The following RASEF variants were observed in gnomAD, a reference collection of about 807,000 sequenced individuals.
The protein encoded by RASEF is ras and EF-hand domain-containing protein.
RASEF carries 68 observed loss-of-function variants against 90.1 expected under a neutral mutation model. That is an observed-to-expected ratio of 0.75 (90% CI 0.62 to 0.92). The LOEUF (loss-of-function observed/expected upper bound fraction) is 0.92, where lower values mean the gene tolerates loss of function less well. Ranked by LOEUF, RASEF falls within the 40% of genes least tolerant of loss-of-function variation. RASEF has a pLI of 0.00. For missense variants in RASEF, 949 were observed against 937.2 expected, an observed-to-expected ratio of 1.01 and a Z score of -0.16; for synonymous variants, 331 against 345.2, an observed-to-expected ratio of 0.96 and a Z score of 0.46.
chr9:83,076,022 C>G, the RASEF span, among the ~76,000 whole-genome samples: 10 of 151,816 alleles, frequency 6.6e-5, no homozygotes, highest in African/African-American at 2.4e-4. Flanking sequence ...ACAAAAATTA[C>G]CTGGGCGTGG....
In RASEF at chr9:82,997,689, T is replaced by G. The variant is rs368259832; in HGVS notation, c.1806-563A>C. 8.5e-5 allele frequency among the ~76,000 whole-genome samples: 13 copies of G among 152,274 alleles called. No homozygotes were observed. In the East Asian group the frequency reaches 1.7e-3, roughly 20 times the overall value. ...TGCAATATTTTATAAGTATTTTAAA[T>G]ACAGTCATGTCAACCACAAATATTT... is the stretch of plus-strand genomic sequence containing the variant. On this transcript the variant is annotated intron_variant, in intron 13 of 16. Transcript: ENST00000376447.
At chr9:82,988,230 T>C (rs1241333056) in intron 16 of RASEF, among the ~76,000 whole-genome samples, 1 of 152,258 alleles carries the variant, frequency 6.6e-6, no homozygotes, top group Non-Finnish European at 1.5e-5. Flanking sequence ...TTACTGAATG[T>C]AGCTTGTTGA....
chr9:83,135,020 T>G, the RASEF span, among the ~76,000 whole-genome samples: 1 of 152,138 alleles, frequency 6.6e-6, no homozygotes, highest in Admixed American at 6.6e-5. Context: ...TTCACTTACA[T>G]GAAACATCCT....
At chr9:82,995,782 G>C (rs1828905004) in intron 14 of RASEF, among the ~76,000 whole-genome samples, 3 of 152,030 alleles carry the variant, frequency 2.0e-5, no homozygotes. Context: ...GCTCACACTG[G>C]TGCTATATCA....
At chr9:83,101,296 G>T in the RASEF span, among the ~76,000 whole-genome samples, 1 of 152,170 alleles carries the variant, frequency 6.6e-6, no homozygotes, top group Admixed American at 6.5e-5. Flanking sequence ...GACTAGGCAG[G>T]CCTCAGAAAC....
At chr9:83,163,117 G>C in the RASEF span, among the ~76,000 whole-genome samples, 1 of 152,138 alleles carries the variant, frequency 6.6e-6, no homozygotes, top group Admixed American at 6.5e-5. Context: ...CCCAACTCCA[G>C]CCCACTGTTT....
At chr9:83,085,658 G>T in the RASEF span, among the ~76,000 whole-genome samples, 1 of 152,018 alleles carries the variant, frequency 6.6e-6, no homozygotes. Context: ...GGGCGCAGTG[G>T]CTCACACCTA....
the RASEF span, among the ~76,000 whole-genome samples, chr9:83,165,340 T>G: frequency 2.2e-4 from 34 of 152,154 alleles, no homozygotes; most frequent in African/African-American, 7.7e-4. Flanking sequence ...AACCAGAAAT[T>G]AATAACAGAA....
intron 1 of RASEF, chr9:83,048,632 A>G (rs956796791): frequency 9.4e-5 from 93 of 985,320 alleles, no homozygotes; most frequent in Non-Finnish European, 1.1e-4. Flanking sequence ...TCTGTGGGAA[A>G]ATAACACAGA....
chr9:83,183,662 A>T, the RASEF span, among the ~76,000 whole-genome samples: 6 of 152,222 alleles, frequency 3.9e-5, no homozygotes, highest in African/African-American at 1.4e-4. Context: ...TAATCATTTT[A>T]AAAAGCGGTC....
At chr9:83,092,005 T>TTTTTTTTTTTTTTTTTTTTTTTTTC in the RASEF span, among the ~76,000 whole-genome samples, 1 of 111,640 alleles carries the variant, frequency 9.0e-6, no homozygotes, top group African/African-American at 4.7e-5. Context: ...TTTTATTTCT[T>TTTTTTTTTTTTTTTTTTTTTTTTTC]TTTTTTTTTT....
the RASEF span, among the ~76,000 whole-genome samples, chr9:83,209,113 G>A: frequency 0.014 from 2,087 of 152,300 alleles, 17 homozygotes; most frequent in South Asian, 0.028. Context: ...CTGCTTCTCC[G>A]GGAGTCACTT....
chr9:83,097,166 T>A, the RASEF span, among the ~76,000 whole-genome samples: 2 of 152,204 alleles, frequency 1.3e-5, no homozygotes, highest in African/African-American at 4.8e-5. Context: ...GATGGCTGGG[T>A]CAAATGGTAT....
chr9:83,086,221 A>G, the RASEF span, among the ~76,000 whole-genome samples: 1 of 152,344 alleles, frequency 6.6e-6, no homozygotes, highest in Non-Finnish European at 1.5e-5. Context: ...AGCTTCAACT[A>G]TTTGGAAGAG....
chr9:83,083,408 C>CG, the RASEF span, among the ~76,000 whole-genome samples: 1 of 152,036 alleles, frequency 6.6e-6, no homozygotes, highest in Non-Finnish European at 1.5e-5. Context: ...AAAATGTACT[C>CG]AATATATCAA....
At chr9:83,042,903 T>A (rs1443711784) in intron 1 of RASEF, among the ~76,000 whole-genome samples, 1 of 152,182 alleles carries the variant, frequency 6.6e-6, no homozygotes, top group Non-Finnish European at 1.5e-5. Context: ...AATAGTAAAA[T>A]GTCATTTGGC....
chr9:83,199,414 CA>C, the RASEF span, among the ~76,000 whole-genome samples: 5,105 of 152,190 alleles, frequency 0.034, 288 homozygotes, highest in African/African-American at 0.12. Flanking sequence ...TGCTAACTAA[CA>C]CGGCCAGCCT....
chr9:83,097,645 GA>G, the RASEF span, among the ~76,000 whole-genome samples: 1 of 152,148 alleles, frequency 6.6e-6, no homozygotes, highest in South Asian at 2.1e-4. Flanking sequence ...AAAGACACAT[GA>G]AAAAATGCTC....
At chr9:83,032,234 A>G (rs574283938) in intron 1 of RASEF, among the ~76,000 whole-genome samples, 1 of 152,178 alleles carries the variant, frequency 6.6e-6, no homozygotes, top group South Asian at 2.1e-4. Flanking sequence ...AAACGATACA[A>G]TGGCCACACA....
Sources: allele counts gnomAD v4.1 joint callset (sites outside exome capture counted in the v4.1 genomes callset), GRCh38; gene constraint gnomAD v4.1.1; transcripts MANE v1.5; gene names NCBI Gene and HGNC (gene_info 2026-07-23, HGNC 2026-07-21).